The following KIF21A variants were observed in gnomAD, a reference collection of about 807,000 sequenced individuals.
KIF21A encodes kinesin family member 21A.
In KIF21A, 114 loss-of-function variants were observed where a neutral mutation model predicts 202.9. That is an observed-to-expected ratio of 0.56 (90% CI 0.48 to 0.66). The LOEUF (loss-of-function observed/expected upper bound fraction) is 0.66. Ranked by LOEUF, KIF21A falls within the 30% of genes least tolerant of loss-of-function variation. The probability of loss-of-function intolerance (pLI) is 0.00; values close to 1 mark genes in which losing one functional copy is unlikely to be tolerated. For missense variants in KIF21A, 1,677 were observed against 1,994.9 expected, an observed-to-expected ratio of 0.84 and a Z score of 3.04; for synonymous variants, 667 against 670.8, an observed-to-expected ratio of 0.99 and a Z score of 0.09.
At position 39,302,958 on chromosome 12, in the gene KIF21A, G is replaced by A. The variant is rs1943109803; in HGVS notation, c.4731+7C>T. ...CCACTCTATACCATGAAAAGGTTCT[G>A]CATTACCTGAAGAAGGTCTTTTTGA... is the stretch of plus-strand genomic sequence containing the variant. On this transcript the variant is annotated splice_region_variant and intron_variant, in intron 36 of 37. Transcript: ENST00000361418. 6.2e-7 allele frequency: 1 copy of A among 1,611,968 alleles called. No homozygotes were observed. The highest frequency in any genetic ancestry group is 8.5e-7 in the Non-Finnish European group (1 of 1,178,370).
At chr12:39,393,711 A>G (rs375245192) in intron 1 of KIF21A, among the ~76,000 whole-genome samples, 1 of 152,232 alleles carries the variant, frequency 6.6e-6, no homozygotes, top group African/African-American at 2.4e-5. Context: ...GAGAAAAAGA[A>G]TAAATTTTTA....
intron 1 of KIF21A, among the ~76,000 whole-genome samples, chr12:39,397,753 G>A (rs1249590245): frequency 6.6e-6 from 1 of 152,104 alleles, no homozygotes; most frequent in Non-Finnish European, 1.5e-5. Flanking sequence ...ATAATAACAC[G>A]AACGTTTGGA....
At position 39,305,806 on chromosome 12, in the gene KIF21A, C is replaced by T. The variant is rs574693456; in HGVS notation, c.4443-868G>A. On this transcript the variant is annotated intron_variant, in intron 34 of 37. Coordinates refer to ENST00000361418, the MANE Select transcript of KIF21A (RefSeq NM_001173464.2). ...CCAATTTGAATTTCAAATAAAATGA[C>T]GATATCACTGATGTAATTACAAAAT... is the stretch of plus-strand genomic sequence containing the variant. 5.1e-4 allele frequency among the ~76,000 whole-genome samples: 78 copies of T among 152,142 alleles called. No homozygotes were observed. In the South Asian group the frequency reaches 5.4e-3, roughly 11 times the overall value.
intron 1 of KIF21A, among the ~76,000 whole-genome samples, chr12:39,423,206 G>C (rs574805218): frequency 3.2e-4 from 49 of 152,112 alleles, no homozygotes; most frequent in Non-Finnish European, 6.0e-4. Flanking sequence ...TCTACTGAAG[G>C]GCTCTCAAGT....
At chr12:39,311,631 T>C in intron 31 of KIF21A, 78 bp from the exon 32 acceptor site, 2 of 1,492,296 alleles carry the variant, frequency 1.3e-6, no homozygotes, top group Non-Finnish European at 9.3e-7. Context: ...GTTTTGTTTT[T>C]TTCCCCTAAC....
intron 10 of KIF21A, among the ~76,000 whole-genome samples, chr12:39,354,733 G>A (rs986053565): frequency 4.6e-5 from 7 of 152,056 alleles, no homozygotes; most frequent in Non-Finnish European, 7.4e-5. Context: ...GGTTGAAGTC[G>A]GGTTTAGCAG....
intron 1 of KIF21A, among the ~76,000 whole-genome samples, chr12:39,416,715 G>GTA (rs35740569): frequency 0.36 from 26,722 of 73,764 alleles, 6,940 homozygotes; most frequent in African/African-American, 0.57. Context: ...ATATATGTGT[G>GTA]TATATATGTA....
At chr12:39,409,662 G>A (rs1420362111) in intron 1 of KIF21A, among the ~76,000 whole-genome samples, 1 of 152,192 alleles carries the variant, frequency 6.6e-6, no homozygotes, top group South Asian at 2.1e-4. Flanking sequence ...CCTGGAGCCT[G>A]TGAATATGTT....
rs1364584030 is a variant in KIF21A, at chr12:39,441,671, A to AAAAAAAAAAAAAAC, written c.44+1255_44+1256insGTTTTTTTTTTTTT. Among the ~76,000 whole-genome samples the AAAAAAAAAAAAAAC allele has an allele frequency of 1.4e-5, 2 of 140,440 alleles. 1 individual carries two copies. The highest frequency in any genetic ancestry group is 5.1e-5 in the African/African-American group (2 of 38,988). 92.1% of individuals were successfully genotyped at this position (140,440 alleles called of 152,430 possible). A position where few individuals can be genotyped will look rare whatever the true frequency, so the allele number is the denominator to read the frequency against. ...ACCTCCCTGGGTGGTAAAAAAAAAA[A>AAAAAAAAAAAAAAC]AAAAAAAAACACTTAAAAACTCATT... On this transcript the variant is annotated intron_variant, in intron 1 of 37. Coordinates refer to ENST00000361418, the MANE Select transcript of KIF21A (RefSeq NM_001173464.2).
chr12:39,352,915 G>A (rs546441367), intron 10 of KIF21A, among the ~76,000 whole-genome samples: 1 of 152,162 alleles, frequency 6.6e-6, no homozygotes, highest in East Asian at 1.9e-4. Flanking sequence ...AGTCCTCTAG[G>A]CCAATTCCCT....
chr12:39,381,323 A>G lies in KIF21A; in HGVS notation c.45-11062T>C, dbSNP rs1247624202. On this transcript the variant is annotated intron_variant, in intron 1 of 37. Coordinates refer to ENST00000361418, the MANE Select transcript of KIF21A (RefSeq NM_001173464.2). ...CTCTGTCTCAAAAAAAAAAAAAAAA[A>G]AACTATTTCATTATGGGGAAAGCTA... Among the ~76,000 whole-genome samples, 12 of 151,928 alleles carry G rather than the reference A, an allele frequency of 7.9e-5. No homozygotes were observed. In the East Asian group the frequency reaches 1.5e-3, roughly 20 times the overall value.
In KIF21A at chr12:39,330,278, C is replaced by T. The variant is rs373682758; in HGVS notation, c.3320-16G>A. ...CTATCTAGATCTGTGTAAATAACAGCAAAAAGGAAACAAAAAGCAATACTC... is the reference window on the plus strand; with the variant it reads ...CTATCTAGATCTGTGTAAATAACAGTAAAAAGGAAACAAAAAGCAATACTC... On this transcript the variant is annotated splice_polypyrimidine_tract_variant and intron_variant, in intron 23 of 37. Coordinates refer to ENST00000361418, the MANE Select transcript of KIF21A (RefSeq NM_001173464.2). 6.2e-7 allele frequency: 1 copy of T among 1,610,680 alleles called. No homozygotes were observed. Among genetic ancestry groups the T allele is most frequent in the Non-Finnish European group, 8.5e-7 (1 of 1,177,520 alleles).
chr12:39,336,642 A>G (rs1946997662), intron 17 of KIF21A, among the ~76,000 whole-genome samples: 1 of 152,180 alleles, frequency 6.6e-6, no homozygotes, highest in Non-Finnish European at 1.5e-5. Flanking sequence ...ATGGAAGTAG[A>G]ATCTTGAGTC....
At chr12:39,344,895 T>C (rs79952693) in intron 12 of KIF21A, among the ~76,000 whole-genome samples, 7,258 of 152,176 alleles carry the variant, frequency 0.048, 300 homozygotes, top group Admixed American at 0.078. Context: ...ATTAACCCCT[T>C]CATTTGACAA....
intron 1 of KIF21A, among the ~76,000 whole-genome samples, chr12:39,397,818 G>A (rs528702290): frequency 6.6e-6 from 1 of 152,184 alleles, no homozygotes; most frequent in Non-Finnish European, 1.5e-5. Flanking sequence ...CAACTCAAGT[G>A]GTGGCAAAAA....
At chr12:39,376,939 G>T (rs1396115080) in intron 1 of KIF21A, among the ~76,000 whole-genome samples, 3 of 152,112 alleles carry the variant, frequency 2.0e-5, no homozygotes, top group Admixed American at 6.5e-5. Context: ...ACTAGCCATT[G>T]CTGATTTGTT....
chr12:39,426,894 A>G (rs568546563), intron 1 of KIF21A, among the ~76,000 whole-genome samples: 293 of 151,778 alleles, frequency 1.9e-3, no homozygotes, highest in Non-Finnish European at 3.1e-3. Context: ...AAAAAAAAAA[A>G]AAAAGAAAAG....
chr12:39,361,667 G>C (rs1388130011), intron 7 of KIF21A, among the ~76,000 whole-genome samples: 1 of 150,336 alleles, frequency 6.7e-6, no homozygotes, highest in South Asian at 2.1e-4. Context: ...CACCACGCCT[G>C]GCTAATTTTT....
In KIF21A at chr12:39,301,612, A is replaced by G. The variant is rs1565631039; in HGVS notation, c.4799T>C (p.Leu1600Pro). Residue 1600 changes from leucine to proline, a missense_variant, in exon 37 of 38, where the codon CTC becomes CCC. By Grantham distance (98) the Leu-to-Pro change is moderately conservative (BLOSUM62 -3). This residue lies in a region of KIF21A where 705 missense variants were observed against 791.9 expected (regional missense o/e 0.89). Coordinates refer to ENST00000361418, the MANE Select transcript of KIF21A (RefSeq NM_001173464.2). ...CAAAATGCCCCCTCTGCAGCCACTG[A>G]GCAAAACTGGGTGGTCTGGCACCAC... is the stretch of plus-strand genomic sequence containing the variant. ...LGVVPDHPVL[L>P]SGCRGGILKV... The G allele has an allele frequency of 6.2e-7, 1 of 1,614,010 alleles. No homozygotes were observed. The highest frequency in any genetic ancestry group is 1.3e-5 in the African/African-American group (1 of 74,922).
Sources: allele counts gnomAD v4.1 joint callset (sites outside exome capture counted in the v4.1 genomes callset), GRCh38; gene constraint gnomAD v4.1.1; regional missense constraint gnomAD v4.1.1; transcripts MANE v1.5; gene names NCBI Gene and HGNC (gene_info 2026-07-23, HGNC 2026-07-21).